Variants in MEF2A observed in about 807,000 individuals in gnomAD.
MEF2A encodes myocyte enhancer factor 2A, also known as myocyte-specific enhancer factor 2A.
In MEF2A, 28 loss-of-function variants were observed where a neutral mutation model predicts 55.8. The ratio of observed to expected loss-of-function variants is 0.50; its 90% CI spans 0.37 to 0.69. The LOEUF (loss-of-function observed/expected upper bound fraction) is 0.69, where lower values mean the gene tolerates loss of function less well. Among genes scored for constraint, MEF2A ranks in the 30% least tolerant of loss-of-function variants. The probability of loss-of-function intolerance (pLI) is 0.00; values close to 1 mark genes in which losing one functional copy is unlikely to be tolerated. For missense variants in MEF2A, 528 were observed against 626.2 expected, an observed-to-expected ratio of 0.84 and a Z score of 1.67; for synonymous variants, 239 against 227.1, an observed-to-expected ratio of 1.05 and a Z score of -0.47.
chr15:99,687,543 C>T (rs1014864652), intron 7 of MEF2A, among the ~76,000 whole-genome samples: 2 of 152,198 alleles, frequency 1.3e-5, no homozygotes, highest in Non-Finnish European at 2.9e-5. Flanking sequence ...TCCTCACTCA[C>T]ACCTTGTTCA....
At chr15:99,658,012 T>G (rs2048025871) in intron 4 of MEF2A, among the ~76,000 whole-genome samples, 1 of 152,154 alleles carries the variant, frequency 6.6e-6, no homozygotes, top group African/African-American at 2.4e-5. Flanking sequence ...CAGAAATCTC[T>G]TTCAAATAAC....
intron 2 of MEF2A, among the ~76,000 whole-genome samples, chr15:99,612,189 G>T (rs1203744611): frequency 6.6e-6 from 1 of 152,138 alleles, no homozygotes; most frequent in Non-Finnish European, 1.5e-5. Flanking sequence ...GCCGAGATGG[G>T]TGGATCATGA....
chr15:99,619,263 C>T (rs1197334499), intron 2 of MEF2A, among the ~76,000 whole-genome samples: 3 of 152,084 alleles, frequency 2.0e-5, no homozygotes, highest in African/African-American at 7.2e-5. Flanking sequence ...TGCTGCATTG[C>T]GCCTCAGACT....
chr15:99,616,946 T>C (rs144513085), intron 2 of MEF2A, among the ~76,000 whole-genome samples: 240 of 152,328 alleles, frequency 1.6e-3, no homozygotes, highest in African/African-American at 5.6e-3. Flanking sequence ...TGAAGCAGTC[T>C]TATAAGGTGC....
At chr15:99,686,415 T>C (rs1420424761) in intron 7 of MEF2A, among the ~76,000 whole-genome samples, 1 of 152,194 alleles carries the variant, frequency 6.6e-6, no homozygotes, top group Non-Finnish European at 1.5e-5. Flanking sequence ...GCTGGCTTAG[T>C]AGTGGTGAAT....
At chr15:99,604,275 A>G (rs902942674) in intron 2 of MEF2A, among the ~76,000 whole-genome samples, 1 of 152,022 alleles carries the variant, frequency 6.6e-6, no homozygotes, top group Non-Finnish European at 1.5e-5. Flanking sequence ...TTCCCCTGTA[A>G]TTTTAGTTAT....
At chr15:99,613,027 G>A (rs1051865277) in intron 2 of MEF2A, among the ~76,000 whole-genome samples, 1 of 152,154 alleles carries the variant, frequency 6.6e-6, no homozygotes, top group African/African-American at 2.4e-5. Context: ...GCAGTGCGTA[G>A]ATATAATGCA....
chr15:99,661,413 G>GT (rs201573554), intron 4 of MEF2A, among the ~76,000 whole-genome samples: 12,014 of 129,476 alleles, frequency 0.093, 552 homozygotes, highest in Non-Finnish European at 0.11. Context: ...AAAGATAAGC[G>GT]TTTTTTTTTT....
intron 7 of MEF2A, among the ~76,000 whole-genome samples, chr15:99,680,150 A>G (rs1479990321): frequency 6.6e-6 from 1 of 152,204 alleles, no homozygotes; most frequent in Non-Finnish European, 1.5e-5. Context: ...TAGTCTTTTT[A>G]TGTGAGATAA....
chr15:99,608,305 C>G (rs1272746740), intron 2 of MEF2A, among the ~76,000 whole-genome samples: 1 of 152,100 alleles, frequency 6.6e-6, no homozygotes, highest in African/African-American at 2.4e-5. Flanking sequence ...ATTTGCTATT[C>G]ATTGTATAAA....
At chr15:99,702,346 G>GTTT (rs1324095120) in intron 8 of MEF2A, among the ~76,000 whole-genome samples, 3 of 151,544 alleles carry the variant, frequency 2.0e-5, no homozygotes, top group Non-Finnish European at 4.4e-5. Flanking sequence ...ACTTACTCAA[G>GTTT]TAAAACAAGT....
intron 2 of MEF2A, among the ~76,000 whole-genome samples, chr15:99,604,847 C>A (rs547424685): frequency 6.6e-6 from 1 of 151,916 alleles, no homozygotes; most frequent in African/African-American, 2.4e-5. Flanking sequence ...AATTTACTGC[C>A]CATTAAGGTT....
intron 7 of MEF2A, among the ~76,000 whole-genome samples, chr15:99,682,149 G>C (rs2053367960): frequency 6.6e-6 from 1 of 152,098 alleles, no homozygotes; most frequent in African/African-American, 2.4e-5. Flanking sequence ...AGTATCTAAG[G>C]ACACAGAGTA....
intron 5 of MEF2A, chr15:99,671,747 C>T: frequency 7.8e-7 from 1 of 1,288,020 alleles, no homozygotes. Context: ...TGGGTGATGA[C>T]AACAATAAGT....
At chr15:99,589,251 AG>A (rs1420814241) in intron 1 of MEF2A, among the ~76,000 whole-genome samples, 2 of 152,204 alleles carry the variant, frequency 1.3e-5, no homozygotes, top group Admixed American at 1.3e-4. Context: ...AGAATTATTT[AG>A]ACTTTTCTTT....
At chr15:99,650,446 G>A (rs2046672666) in intron 4 of MEF2A, among the ~76,000 whole-genome samples, 1 of 152,098 alleles carries the variant, frequency 6.6e-6, no homozygotes, top group African/African-American at 2.4e-5. Flanking sequence ...AAGAATGATA[G>A]GTATTATTAA....
At chr15:99,582,882 T>C (rs567059559) in intron 1 of MEF2A, among the ~76,000 whole-genome samples, 1 of 152,264 alleles carries the variant, frequency 6.6e-6, no homozygotes, top group East Asian at 1.9e-4. Flanking sequence ...TGGGATATGT[T>C]GTAGATAGAA....
chr15:99,609,356 A>T (rs569392661), intron 2 of MEF2A, among the ~76,000 whole-genome samples: 1 of 152,362 alleles, frequency 6.6e-6, no homozygotes, highest in South Asian at 2.1e-4. Context: ...TCAGAACTTC[A>T]TAAAATTAGT....
At chr15:99,600,267 C>G (rs1567196721) in intron 2 of MEF2A, among the ~76,000 whole-genome samples, 1 of 152,132 alleles carries the variant, frequency 6.6e-6, no homozygotes, top group Admixed American at 6.5e-5. Context: ...CTCTACTAGT[C>G]TCTAAGGATG....
Sources: allele counts gnomAD v4.1 joint callset (sites outside exome capture counted in the v4.1 genomes callset), GRCh38; gene constraint gnomAD v4.1.1; transcripts MANE v1.5; gene names NCBI Gene and HGNC (gene_info 2026-07-23, HGNC 2026-07-21).